The following CD200R1 variants were observed in gnomAD, a reference collection of about 807,000 sequenced individuals.
CD200R1 encodes the protein cell surface glycoprotein CD200 receptor 1.
In CD200R1, 30 loss-of-function variants were observed where a neutral mutation model predicts 38.1. The observed-to-expected ratio is 0.79, with a 90% CI of 0.59 to 1.07. The LOEUF is 1.07. CD200R1 is among the 50% of genes least tolerant of loss of function. The pLI is 0.00. For synonymous variants in CD200R1, 128 were observed against 152.1 expected, an observed-to-expected ratio of 0.84 and a Z score of 1.16; for missense variants, 372 against 415.4, an observed-to-expected ratio of 0.90 and a Z score of 0.91.
chr3:112,965,444 C>A (rs757424293), intron 1 of CD200R1, among the ~76,000 whole-genome samples: 7 of 152,110 alleles, frequency 4.6e-5, no homozygotes, highest in Non-Finnish European at 1.0e-4. Flanking sequence ...GATGGGGCAA[C>A]ATCAGGAGCT....
At chr3:112,938,371 T>C (rs1046231395) in intron 2 of CD200R1, among the ~76,000 whole-genome samples, 1 of 149,946 alleles carries the variant, frequency 6.7e-6, no homozygotes, top group Non-Finnish European at 1.5e-5. Context: ...GCTAGATGAA[T>C]AAAGAAAAAA....
At chr3:112,933,751 A>C (rs868661055) in intron 2 of CD200R1, among the ~76,000 whole-genome samples, 2 of 152,146 alleles carry the variant, frequency 1.3e-5, no homozygotes, top group Admixed American at 1.3e-4. Context: ...TCAGGAAAAC[A>C]ATTTGTGATT....
chr3:112,926,450 GCT>G (rs1193874431), intron 5 of CD200R1, among the ~76,000 whole-genome samples: 6 of 152,060 alleles, frequency 3.9e-5, no homozygotes, highest in African/African-American at 1.2e-4. Context: ...AAACTACTAA[GCT>G]CTCTCTCATT....
intron 1 of CD200R1, among the ~76,000 whole-genome samples, chr3:112,952,813 A>C (rs72952147): frequency 6.6e-6 from 1 of 151,956 alleles, no homozygotes; most frequent in African/African-American, 2.4e-5. Context: ...TAAATAAATA[A>C]TTTTTCGTGG....
intron 5 of CD200R1, among the ~76,000 whole-genome samples, chr3:112,927,694 G>A (rs562625409): frequency 1.3e-5 from 2 of 152,274 alleles, no homozygotes; most frequent in East Asian, 3.9e-4. Context: ...CCAATCAGGA[G>A]AGATTAGACC....
chr3:112,957,539 A>G (rs1240091592), intron 1 of CD200R1, among the ~76,000 whole-genome samples: 2 of 152,174 alleles, frequency 1.3e-5, no homozygotes, highest in African/African-American at 2.4e-5. Context: ...AAACTGTAAT[A>G]CCCCTAGAAG....
chr3:112,960,388 G>T (rs1232736037), intron 1 of CD200R1, among the ~76,000 whole-genome samples: 1 of 152,030 alleles, frequency 6.6e-6, no homozygotes, highest in Admixed American at 6.5e-5. Context: ...GTAAATATGA[G>T]ATTTGTTTTG....
chr3:112,928,857 T>G lies in CD200R1; in HGVS notation c.728A>C (p.His243Pro). The G allele has an allele frequency of 6.2e-7, 1 of 1,613,844 alleles. No individual in the cohort carries two copies. Among genetic ancestry groups the G allele is most frequent in the Non-Finnish European group, 8.5e-7 (1 of 1,179,946 alleles). The change falls in exon 5 of 8, where the codon CAT (histidine) becomes CCT (proline). Residue 243 changes from histidine (H) to proline (P), a missense_variant. Transcript: ENST00000308611. Reference sequence around the variant, plus strand: ...GTACAGACTCTTGTTGCCAGTCAAATGGGAGACGTGGCAGGTCACGGTAGA... The same window carrying G: ...GTACAGACTCTTGTTGCCAGTCAAAGGGGAGACGTGGCAGGTCACGGTAGA... ...NVSTVTCHVSHLTGNKSLYIE... is the reference protein window; with the variant it reads ...NVSTVTCHVSPLTGNKSLYIE...
rs1034311919 is a variant in CD200R1 at position 112,921,757 on chromosome 3, T to A, written c.*1920A>T. On this transcript the variant is annotated 3_prime_UTR_variant, in exon 8 of 8. Transcript: ENST00000308611. The stretch of plus-strand genomic sequence containing the variant: ...TCCAGCCCCATAGTAGAGATTTTCA[T>A]ACAATTATTTTCTGTACAATATAAT... 1.3e-5 allele frequency: 2 copies of A among 152,106 alleles called. No homozygotes were observed. The highest frequency in any genetic ancestry group is 6.6e-5 in the Admixed American group (1 of 15,238). The allele number at this position is 152,106 out of a possible 1,614,324, so 9.4% of individuals were successfully genotyped here. A position where few individuals can be genotyped will look rare whatever the true frequency, so the allele number is the denominator to read the frequency against.
chr3:112,933,423 A>ACT (rs149521335), intron 2 of CD200R1, among the ~76,000 whole-genome samples: 3,259 of 152,182 alleles, frequency 0.021, 40 homozygotes, highest in South Asian at 0.047. Flanking sequence ...GCTGCCACAA[A>ACT]CTCACCACCT....
At chr3:112,947,829 G>A in intron 2 of CD200R1, 27 bp downstream of exon 2, 1 of 1,516,082 alleles carries the variant, frequency 6.6e-7, no homozygotes, top group Non-Finnish European at 9.2e-7. Flanking sequence ...TCCCCTACTA[G>A]AATTATTGTT....
At chr3:112,960,576 G>A (rs768887702) in intron 1 of CD200R1, among the ~76,000 whole-genome samples, 1 of 151,896 alleles carries the variant, frequency 6.6e-6, no homozygotes. Flanking sequence ...CATATACACA[G>A]TATGATTCCG....
chr3:112,946,011 C>T lies in CD200R1; in HGVS notation c.136+1845G>A, dbSNP rs188022279. 5.8e-3 allele frequency among the ~76,000 whole-genome samples: 675 copies of T among 117,104 alleles called. 5 individuals are homozygous for T. Among genetic ancestry groups the T allele is most frequent in the African/African-American group, 0.021 (604 of 29,284 alleles). The allele number at this position is 117,104 out of a possible 152,430, so 76.8% of individuals were successfully genotyped here. A position where few individuals can be genotyped will look rare whatever the true frequency, so the allele number is the denominator to read the frequency against. ...TCGCGCCACTGCACTCCAGCCTGGG[C>T]GACAAAGCGAGACTCCGTCTCAAAA... On this transcript the variant is annotated intron_variant, in intron 2 of 7. Transcript: ENST00000308611.
intron 3 of CD200R1, 29 bp from the exon 4 acceptor site, chr3:112,929,536 A>AAAGCTTGAT: frequency 6.4e-7 from 1 of 1,551,956 alleles, no homozygotes; most frequent in Non-Finnish European, 8.7e-7. Context: ...TGATAAAAGA[A>AAAGCTTGAT]AAGCTTGATA....
chr3:112,956,297 T>C (rs1941097294), intron 1 of CD200R1, among the ~76,000 whole-genome samples: 1 of 152,170 alleles, frequency 6.6e-6, no homozygotes, highest in East Asian at 1.9e-4. Flanking sequence ...CTGTTGATAC[T>C]CTACATTGTA....
At chr3:112,955,330 T>C (rs933405183) in intron 1 of CD200R1, among the ~76,000 whole-genome samples, 18 of 152,142 alleles carry the variant, frequency 1.2e-4, no homozygotes, top group African/African-American at 4.3e-4. Context: ...AAAAGTGGGG[T>C]ACTAAAGTCC....
intron 2 of CD200R1, among the ~76,000 whole-genome samples, chr3:112,936,609 G>A (rs1404927080): frequency 1.3e-5 from 2 of 152,072 alleles, no homozygotes; most frequent in Non-Finnish European, 2.9e-5. Context: ...CTTCTTTTGA[G>A]AATTATCTAT....
At chr3:112,961,938 AAAT>A (rs1462497483) in intron 1 of CD200R1, among the ~76,000 whole-genome samples, 1 of 152,200 alleles carries the variant, frequency 6.6e-6, no homozygotes, top group Non-Finnish European at 1.5e-5. Context: ...ATAGGGATAA[AAAT>A]AAAACATACA....
At chr3:112,930,186 A>G (rs9835584) in intron 3 of CD200R1, among the ~76,000 whole-genome samples, 3,245 of 152,050 alleles carry the variant, frequency 0.021, 131 homozygotes, top group African/African-American at 0.074. Flanking sequence ...ATGCCCTGTG[A>G]TAAGAGATGC....
Sources: allele counts gnomAD v4.1 joint callset (sites outside exome capture counted in the v4.1 genomes callset), GRCh38; gene constraint gnomAD v4.1.1; transcripts MANE v1.5; gene names NCBI Gene and HGNC (gene_info 2026-07-23, HGNC 2026-07-21).